The following ZHX2 variants were observed in gnomAD, a reference collection of about 807,000 sequenced individuals.
ZHX2 encodes the protein zinc fingers and homeoboxes protein 2.
ZHX2 carries 6 observed loss-of-function variants against 21.9 expected under a neutral mutation model. The ratio of observed to expected loss-of-function variants is 0.27; its 90% CI spans 0.15 to 0.54. The LOEUF (loss-of-function observed/expected upper bound fraction) is 0.54. Ranked by LOEUF, ZHX2 falls within the 20% of genes least tolerant of loss-of-function variation. The pLI, the probability that ZHX2 is intolerant of heterozygous loss-of-function variation, is 0.95. For synonymous variants in ZHX2, 434 were observed against 437.1 expected, an observed-to-expected ratio of 0.99 and a Z score of 0.09; for missense variants, 908 against 1,090.7, an observed-to-expected ratio of 0.83 and a Z score of 2.36.
intron 2 of ZHX2, among the ~76,000 whole-genome samples, chr8:122,876,851 C>A (rs1261698428): frequency 2.0e-5 from 3 of 152,236 alleles, no homozygotes; most frequent in African/African-American, 4.8e-5. Context: ...AAGGAGCCAT[C>A]TGTCCCACCC....
At position 122,952,961 on chromosome 8, in the gene ZHX2, A is replaced by G; in HGVS notation, c.1451A>G (p.Lys484Arg). Residue 484 changes from lysine (K) to arginine (R), a missense_variant, in exon 3 of 4, where the codon AAG (lysine) becomes AGG (arginine). Physicochemically the swap from Lys to Arg is conservative, Grantham distance 26. Around this residue, in one of 4 missense-constraint regions of ZHX2, gnomAD observed 232 missense variants for 361.8 expected, o/e 0.64. Transcript: ENST00000314393. The surrounding 1 kb of genome is among the most constrained non-coding windows in gnomAD (Gnocchi z 6.9). ...ACTGGCCTTGCCAGGAGCGAGATCAAGAAGTGGTTCAGTGACCACCGATAT... is the reference window on the plus strand; with the variant it reads ...ACTGGCCTTGCCAGGAGCGAGATCAGGAAGTGGTTCAGTGACCACCGATAT... ...EVTGLARSEI[K>R]KWFSDHRYRC... The G allele has an allele frequency of 6.2e-7, 1 of 1,613,974 alleles. No homozygotes were observed. Among genetic ancestry groups the G allele is most frequent in the Non-Finnish European group, 8.5e-7 (1 of 1,180,004 alleles).
At chr8:122,848,093 A>C (rs889809881) in intron 1 of ZHX2, among the ~76,000 whole-genome samples, 1 of 152,192 alleles carries the variant, frequency 6.6e-6, no homozygotes, top group Non-Finnish European at 1.5e-5. Flanking sequence ...TTGAGTGAGC[A>C]TGTTTACATT....
intron 2 of ZHX2, among the ~76,000 whole-genome samples, chr8:122,889,303 A>G (rs1819920623): frequency 6.6e-6 from 1 of 152,196 alleles, no homozygotes; most frequent in Admixed American, 6.5e-5. Flanking sequence ...GAACTTCTAT[A>G]CTATTTTCCA....
intron 3 of ZHX2, among the ~76,000 whole-genome samples, chr8:122,967,080 T>G (rs1025248045): frequency 6.6e-6 from 1 of 152,238 alleles, no homozygotes; most frequent in African/African-American, 2.4e-5. Flanking sequence ...TGTCTTTAAA[T>G]TGGTTTTCAC....
In ZHX2 at chr8:122,958,373, T is replaced by C. The variant is rs571326578; in HGVS notation, c.*4+4345T>C. 3.3e-5 allele frequency among the ~76,000 whole-genome samples: 5 copies of C among 152,324 alleles called. No homozygotes were observed. In the East Asian group the frequency reaches 9.6e-4, roughly 29 times the overall value. ...AGGAAAAGGCTGAAAATTAGACTTA[T>C]TTTTTCAGAAAAATGAGTCAACGTA... On this transcript the variant is annotated intron_variant, in intron 3 of 3. Transcript: ENST00000314393.
intron 2 of ZHX2, among the ~76,000 whole-genome samples, chr8:122,867,755 G>A (rs1819333764): frequency 6.6e-6 from 1 of 152,164 alleles, no homozygotes; most frequent in South Asian, 2.1e-4. Flanking sequence ...GACGTAGCGT[G>A]CAAACTCGCT....
At chr8:122,831,471 G>C (rs1818373322) in intron 1 of ZHX2, among the ~76,000 whole-genome samples, 1 of 152,196 alleles carries the variant, frequency 6.6e-6, no homozygotes, top group South Asian at 2.1e-4. Flanking sequence ...GAGTGAAGAA[G>C]AACGAAGCGC....
At chr8:122,821,380 A>C (rs976846198) in intron 1 of ZHX2, among the ~76,000 whole-genome samples, 3 of 152,200 alleles carry the variant, frequency 2.0e-5, no homozygotes, top group Non-Finnish European at 2.9e-5. Flanking sequence ...AGGCTAAGCT[A>C]TAGTAAGGGC....
chr8:122,886,201 A>G (rs1482297677), intron 2 of ZHX2, among the ~76,000 whole-genome samples: 1 of 152,244 alleles, frequency 6.6e-6, no homozygotes, highest in Non-Finnish European at 1.5e-5. Context: ...CCTTCAATGC[A>G]TATTGCTAAG....
chr8:122,954,383 T>C (rs897874238), intron 3 of ZHX2, among the ~76,000 whole-genome samples: 14 of 152,230 alleles, frequency 9.2e-5, no homozygotes, highest in Admixed American at 2.0e-4. Context: ...TCATAGGTCA[T>C]TGTAGCCTCA....
intron 2 of ZHX2, among the ~76,000 whole-genome samples, chr8:122,873,761 A>C (rs1210606632): frequency 6.6e-6 from 1 of 152,198 alleles, no homozygotes; most frequent in Admixed American, 6.5e-5. Flanking sequence ...AAGTATTGAC[A>C]AAGTGTACTC....
chr8:122,821,872 T>G (rs1818160601), intron 1 of ZHX2, among the ~76,000 whole-genome samples: 1 of 152,144 alleles, frequency 6.6e-6, no homozygotes, highest in Non-Finnish European at 1.5e-5. Context: ...GCCTGGCTAA[T>G]TTTTGTATTT....
chr8:122,835,136 G>T (rs1431257432), intron 1 of ZHX2, among the ~76,000 whole-genome samples: 1 of 152,228 alleles, frequency 6.6e-6, no homozygotes, highest in Admixed American at 6.5e-5. Context: ...TCTAATATAA[G>T]AGGTAGCATC....
chr8:122,792,085 C>A (rs760063806), intron 1 of ZHX2, among the ~76,000 whole-genome samples: 1 of 152,106 alleles, frequency 6.6e-6, no homozygotes, highest in Non-Finnish European at 1.5e-5. Flanking sequence ...ATTTTTATCA[C>A]CCCAGAAAGA....
At chr8:122,881,125 T>C (rs1303582201) in intron 2 of ZHX2, among the ~76,000 whole-genome samples, 1 of 149,324 alleles carries the variant, frequency 6.7e-6, no homozygotes, top group Non-Finnish European at 1.5e-5. Flanking sequence ...TTGCTGGGAA[T>C]GTGAGCGTGG....
intron 2 of ZHX2, among the ~76,000 whole-genome samples, chr8:122,883,481 G>C (rs1223771261): frequency 6.6e-6 from 1 of 152,168 alleles, no homozygotes; most frequent in Non-Finnish European, 1.5e-5. Flanking sequence ...TCTGACACAT[G>C]GGATTCTTTG....
chr8:122,849,342 T>A (rs1052907873), intron 1 of ZHX2, among the ~76,000 whole-genome samples: 2 of 152,200 alleles, frequency 1.3e-5, no homozygotes, highest in South Asian at 4.1e-4. Context: ...GTTGCTTACC[T>A]CTCTATGCCT....
At chr8:122,916,541 G>A (rs141558397) in intron 2 of ZHX2, among the ~76,000 whole-genome samples, 2 of 152,110 alleles carry the variant, frequency 1.3e-5, no homozygotes, top group Non-Finnish European at 2.9e-5. Context: ...TCGAGACTGA[G>A]AACGTAACAC....
chr8:122,954,858 C>T (rs1305538873), intron 3 of ZHX2, among the ~76,000 whole-genome samples: 7 of 151,002 alleles, frequency 4.6e-5, no homozygotes, highest in Non-Finnish European at 1.0e-4. Flanking sequence ...TTTTTTTTTC[C>T]CCCCTTTTCT....
Sources: allele counts gnomAD v4.1 joint callset (sites outside exome capture counted in the v4.1 genomes callset), GRCh38; gene constraint gnomAD v4.1.1; regional missense constraint gnomAD v4.1.1; non-coding constraint Gnocchi (gnomAD v3.1); transcripts MANE v1.5; gene names NCBI Gene and HGNC (gene_info 2026-07-23, HGNC 2026-07-21).